LRIF1: variants seen among roughly 807,000 people sequenced by gnomAD.
The protein encoded by LRIF1 is ligand dependent nuclear receptor interacting factor 1, also known as ligand-dependent nuclear receptor-interacting factor 1.
A neutral mutation model predicts 52.7 loss-of-function variants in LRIF1; 32 were observed. The ratio of observed to expected loss-of-function variants is 0.61; its 90% CI spans 0.46 to 0.82. The LOEUF is 0.82. Among genes scored for constraint, LRIF1 ranks in the 40% least tolerant of loss-of-function variants. The probability of loss-of-function intolerance (pLI) is 0.00; values close to 1 mark genes in which losing one functional copy is unlikely to be tolerated. For missense variants in LRIF1, 887 were observed against 892.0 expected (o/e 0.99, Z 0.07); for synonymous variants, 323 against 317.4 (o/e 1.02, Z -0.19).
At chr1:110,949,061 T>TA (rs1397364756) in intron 3 of LRIF1, among the ~76,000 whole-genome samples, 1 of 152,116 alleles carries the variant, frequency 6.6e-6, no homozygotes, top group African/African-American at 2.4e-5. Flanking sequence ...AACATATCTT[T>TA]AACTGGGATG....
the LRIF1 span, among the ~76,000 whole-genome samples, chr1:110,917,648 GTT>G: frequency 6.2e-5 from 2 of 32,204 alleles, no homozygotes; most frequent in Non-Finnish European, 1.1e-4. Flanking sequence ...TTTTGTTTTT[GTT>G]TTTTTTTTTT....
chr1:110,952,558 G>A lies in LRIF1; in HGVS notation c.326C>T (p.Thr109Ile), dbSNP rs746334473. ...TTTTTCTGATGTATCTACTGTTCTT[G>A]TAAGAAAATAGTTTGAAGAACTGGC... The part of the protein sequence containing the change: ...QPASSSNYFL[T>I]RTVDTSEKGR... Residue 109 changes from threonine to isoleucine, a missense_variant, in exon 2 of 4, where the codon ACA becomes ATA. By Grantham distance (89) the Thr-to-Ile change is moderately conservative. Coordinates refer to ENST00000369763, the MANE Select transcript of LRIF1 (RefSeq NM_018372.4). 6.2e-7 allele frequency: 1 copy of A among 1,613,978 alleles called. No individual in the cohort carries two copies. The highest frequency in any genetic ancestry group is 8.5e-7 in the Non-Finnish European group (1 of 1,179,872).
chr1:110,892,606 G>A, the LRIF1 span: 2 of 1,232,238 alleles, frequency 1.6e-6, no homozygotes, highest in Non-Finnish European at 2.3e-6. Context: ...GATGTTTCTT[G>A]GTAGATCACT....
chr1:110,910,817 T>C, the LRIF1 span, among the ~76,000 whole-genome samples: 1 of 152,016 alleles, frequency 6.6e-6, no homozygotes, highest in Non-Finnish European at 1.5e-5. Flanking sequence ...AAAACAAAAA[T>C]ACAACATACC....
the LRIF1 span, among the ~76,000 whole-genome samples, chr1:110,929,723 A>G: frequency 6.6e-6 from 1 of 152,278 alleles, no homozygotes; most frequent in Non-Finnish European, 1.5e-5. Flanking sequence ...ACATGGATGG[A>G]GCTAGAGGCC....
the LRIF1 span, among the ~76,000 whole-genome samples, chr1:110,928,819 A>G: frequency 2.0e-5 from 3 of 152,154 alleles, no homozygotes; most frequent in Non-Finnish European, 4.4e-5. Context: ...ACAGAGGACT[A>G]GTAGATGAGG....
In LRIF1 at chr1:110,948,198, TTTC is replaced by T; in HGVS notation, c.2068_2070del (p.Glu690del). 1 of 1,614,126 alleles carries T rather than the reference TTTC, an allele frequency of 6.2e-7. No individual in the cohort carries two copies. The highest frequency in any genetic ancestry group is 8.5e-7 in the Non-Finnish European group (1 of 1,179,998). ...GTATAGTATTCCATCTCAGTTCTCT[TTTC>T]TTGTCTGGTTTTGCTGTGACTCGTG... On this transcript the variant is annotated inframe_deletion, in exon 4 of 4. Transcript: ENST00000369763.
intron 1 of LRIF1, among the ~76,000 whole-genome samples, chr1:110,957,426 G>A (rs540464590): frequency 1.2e-4 from 15 of 123,796 alleles, no homozygotes; most frequent in East Asian, 2.5e-4. Flanking sequence ...AGCTGAGATC[G>A]CGCCACTGCA....
chr1:110,898,103 C>T, the LRIF1 span, among the ~76,000 whole-genome samples: 4 of 152,228 alleles, frequency 2.6e-5, no homozygotes, highest in Non-Finnish European at 4.4e-5. Context: ...CTTGGCCGGG[C>T]GTGGTGGCTC....
chr1:110,880,266 G>A, the LRIF1 span: 13 of 152,236 alleles, frequency 8.5e-5, no homozygotes, highest in South Asian at 2.1e-4. Flanking sequence ...AAGGGGAAGG[G>A]GAAACGGAGC....
the LRIF1 span, among the ~76,000 whole-genome samples, chr1:110,931,702 T>C: frequency 9.9e-5 from 15 of 152,180 alleles, no homozygotes; most frequent in African/African-American, 2.9e-4. Context: ...TGGTATCTCA[T>C]TGTGGTTTTG....
the LRIF1 span, chr1:110,880,408 C>T: frequency 2.6e-5 from 4 of 152,052 alleles, no homozygotes; most frequent in South Asian, 2.1e-4. Context: ...AGAAGAGGTT[C>T]TTCTTCCTGT....
At chr1:110,913,878 C>G in the LRIF1 span, among the ~76,000 whole-genome samples, 2 of 152,206 alleles carry the variant, frequency 1.3e-5, no homozygotes, top group Middle Eastern at 3.4e-3. Flanking sequence ...ATAGCAAAGA[C>G]ATGGAATCAA....
In LRIF1 at chr1:110,952,257, T is replaced by C. The variant is rs777855881; in HGVS notation, c.627A>G (p.Ile209Met). 12 of 1,614,196 alleles carry C rather than the reference T, an allele frequency of 7.4e-6. No homozygotes were observed. The highest frequency in any genetic ancestry group is 1.6e-4 in the Middle Eastern group (1 of 6,062). ...AGGTACTGGTGGTGGCAGTTGCAAG[T>C]ATCTTTTGCTGCACTGAAGGAGGCA... The part of the protein sequence containing the change: ...SSLPPSVQQK[I>M]LATATTSTSG... Residue 209 changes from isoleucine (I) to methionine (M), a missense_variant, in exon 2 of 4, where the codon ATA becomes ATG. Coordinates refer to ENST00000369763, the MANE Select transcript of LRIF1 (RefSeq NM_018372.4).
chr1:110,882,984 A>C, the LRIF1 span, among the ~76,000 whole-genome samples: 5 of 152,028 alleles, frequency 3.3e-5, no homozygotes, highest in African/African-American at 1.2e-4. Context: ...TTCTACAAAG[A>C]CATTCATGAT....
chr1:110,942,500 T>C (rs1430759122), downstream of LRIF1: 1 of 152,136 alleles, frequency 6.6e-6, no homozygotes, highest in Non-Finnish European at 1.5e-5. Flanking sequence ...GGACAAGCTG[T>C]AGGACACTGG....
the LRIF1 span, chr1:110,891,333 C>G: frequency 6.9e-6 from 8 of 1,165,418 alleles, no homozygotes; most frequent in East Asian, 1.9e-4. Flanking sequence ...TTTGTGCACT[C>G]TGATCTCTGG....
the LRIF1 span, chr1:110,939,400 T>TAAAAAAAAAA: frequency 9.3e-6 from 1 of 107,584 alleles, no homozygotes; most frequent in African/African-American, 3.4e-5. Context: ...AAAAAAAAAG[T>TAAAAAAAAAA]CCAAACTACC....
chr1:110,922,972 G>T, the LRIF1 span, among the ~76,000 whole-genome samples: 1 of 151,956 alleles, frequency 6.6e-6, no homozygotes. Flanking sequence ...GATTACATTG[G>T]ACCCACCTGG....
Sources: allele counts gnomAD v4.1 joint callset (sites outside exome capture counted in the v4.1 genomes callset), GRCh38; gene constraint gnomAD v4.1.1; transcripts MANE v1.5; gene names NCBI Gene and HGNC (gene_info 2026-07-23, HGNC 2026-07-21).